The following CYP2B6 variants were observed in gnomAD, a reference collection of about 807,000 sequenced individuals.
The protein encoded by CYP2B6 is cytochrome P450 2B6.
A neutral mutation model predicts 43.4 loss-of-function variants in CYP2B6; 35 were observed. That is an observed-to-expected ratio of 0.81 (90% CI 0.62 to 1.07). CYP2B6 has a LOEUF of 1.07. Ranked by LOEUF, CYP2B6 falls within the 50% of genes least tolerant of loss-of-function variation. The probability of loss-of-function intolerance (pLI) is 0.00; values close to 1 mark genes in which losing one functional copy is unlikely to be tolerated. For missense variants in CYP2B6, 624 were observed against 632.8 expected, an observed-to-expected ratio of 0.99 and a Z score of 0.15; for synonymous variants, 239 against 239.2, an observed-to-expected ratio of 1.00 and a Z score of 0.01.
intron 8 of CYP2B6, among the ~76,000 whole-genome samples, chr19:41,015,523 G>C (rs746043395): frequency 6.6e-6 from 1 of 152,064 alleles, no homozygotes; most frequent in Admixed American, 6.6e-5. Context: ...GAAGGGAAAG[G>C]CTCCCTTTGT....
chr19:41,012,858 G>A (rs1207611585), intron 8 of CYP2B6, 43 bp downstream of exon 8: 2 of 1,610,180 alleles, frequency 1.2e-6, no homozygotes, highest in South Asian at 1.1e-5. Context: ...CCAGAGGGCA[G>A]GTACTATCCC....
At chr19:41,000,997 T>G (rs1969075825) in intron 1 of CYP2B6, among the ~76,000 whole-genome samples, 1 of 151,866 alleles carries the variant, frequency 6.6e-6, no homozygotes, top group Admixed American at 6.6e-5. Flanking sequence ...TGAGATTGCA[T>G]CATTGCACTC....
Position 41,008,885 on chromosome 19 carries a change from G to GAA in CYP2B6, c.646-331_646-330dup, listed in dbSNP as rs540107939. Reference sequence around the variant, plus strand: ...ATGAGGAGAGGTGGGAAGAGGGAGAGAAAAGTATGAGAAAGACAAATAAAC... The same window carrying GAA: ...ATGAGGAGAGGTGGGAAGAGGGAGAGAAAAAAGTATGAGAAAGACAAATAAAC... On this transcript the variant is annotated intron_variant, in intron 4 of 8. Transcript: ENST00000324071. 9.2e-5 allele frequency among the ~76,000 whole-genome samples: 14 copies of GAA among 151,962 alleles called. No individual in the cohort carries two copies. In the East Asian group the frequency reaches 2.5e-3, roughly 27 times the overall value.
At chr19:41,014,571 C>T (rs1969332655) in intron 8 of CYP2B6, among the ~76,000 whole-genome samples, 1 of 152,118 alleles carries the variant, frequency 6.6e-6, no homozygotes, top group Non-Finnish European at 1.5e-5. Flanking sequence ...TCTGAAAGTC[C>T]TGGGATTACA....
chr19:41,000,091 T>C (rs1037312083), intron 1 of CYP2B6, among the ~76,000 whole-genome samples: 2 of 152,108 alleles, frequency 1.3e-5, no homozygotes, highest in Non-Finnish European at 2.9e-5. Context: ...AGGATGTGGG[T>C]GGGTCATCTT....
intron 4 of CYP2B6, among the ~76,000 whole-genome samples, chr19:41,008,975 G>A (rs181108567): frequency 0.047 from 7,067 of 150,270 alleles, 561 homozygotes; most frequent in African/African-American, 0.16. Flanking sequence ...AGATAGAAAG[G>A]AGAGAGGCAG....
At chr19:41,016,376 G>A (rs1174983775) in intron 8 of CYP2B6, among the ~76,000 whole-genome samples, 1 of 126,710 alleles carries the variant, frequency 7.9e-6, no homozygotes, top group Non-Finnish European at 1.6e-5. Context: ...CTCCAGTCTG[G>A]GTGACAAAGA....
Position 41,010,117 on chromosome 19 carries a change from A to T in CYP2B6, c.946A>T (p.Lys316Ter), listed in dbSNP as rs1296272368. ...CCGCTACGGCTTCCTGCTCATGCTC[A>T]AATACCCTCATGTTGCAGGTGGGCC... ...TLRYGFLLML[K>*]YPHVAERVYR... Residue 316 changes from lysine (K) to a stop codon, truncating the protein, a stop_gained, in exon 6 of 9, where the codon AAA becomes TAA. Transcript: ENST00000324071. LOFTEE classifies it high-confidence loss of function. 4.3e-6 allele frequency: 7 copies of T among 1,613,542 alleles called. No individual in the cohort carries two copies. Among genetic ancestry groups the T allele is most frequent in the Non-Finnish European group, 5.9e-6 (7 of 1,180,000 alleles).
chr19:40,996,510 A>T (rs1000910952), intron 1 of CYP2B6, among the ~76,000 whole-genome samples: 8 of 152,204 alleles, frequency 5.3e-5, no homozygotes, highest in African/African-American at 1.9e-4. Flanking sequence ...TCCAGCTTCA[A>T]GTGTTCAAAT....
In CYP2B6 at chr19:41,016,961, G is replaced by T; in HGVS notation, c.*134G>T. ...CAAGCCAGCTTCCTTCCCCTCCATG[G>T]CACCAGTTGTCTGAGGTCACATTGC... On this transcript the variant is annotated 3_prime_UTR_variant, in exon 9 of 9. Transcript: ENST00000324071. 1 of 869,910 alleles carries T rather than the reference G, an allele frequency of 1.1e-6. No homozygotes were observed. The highest frequency in any genetic ancestry group is 1.7e-5 in the South Asian group (1 of 58,232). 53.9% of individuals were successfully genotyped at this position (869,910 alleles called of 1,614,324 possible).
rs1182947117 is a variant in CYP2B6 at position 41,001,098 on chromosome 19, C to A, written c.172-2903C>A. Among the ~76,000 whole-genome samples the A allele has an allele frequency of 2.6e-5, 4 of 152,004 alleles. No homozygotes were observed. In the South Asian group the frequency reaches 8.3e-4, roughly 32 times the overall value. ...AAAATTAGTGATAGTGATGCTCAGC[C>A]TGGGGAAAGCATTTGTCCAGTGGCA... On this transcript the variant is annotated intron_variant, in intron 1 of 8. Coordinates refer to ENST00000324071, the MANE Select transcript of CYP2B6 (RefSeq NM_000767.5).
intron 3 of CYP2B6, among the ~76,000 whole-genome samples, chr19:41,005,175 G>A (rs1599846641): frequency 6.6e-6 from 1 of 152,130 alleles, no homozygotes; most frequent in Admixed American, 6.5e-5. Context: ...AGGCCAGGTG[G>A]GGTGTTCTGC....
Position 41,009,261 on chromosome 19 carries a change from G to T in CYP2B6, c.688G>T (p.Ala230Ser), listed in dbSNP as rs747067622. Reference sequence around the variant, plus strand: ...TGGCTTCTTGAAATACTTTCCTGGGGCACACAGGCAAGTTTACAAAAACCT... The same window carrying T: ...TGGCTTCTTGAAATACTTTCCTGGGTCACACAGGCAAGTTTACAAAAACCT... Reference protein sequence around the residue: ...FSGFLKYFPGAHRQVYKNLQE... With the variant: ...FSGFLKYFPGSHRQVYKNLQE... The change falls in exon 5 of 9, where the codon GCA becomes TCA. Residue 230 changes from alanine (A) to serine (S), a missense_variant. Physicochemically the swap from Ala to Ser is moderately conservative, Grantham distance 99. Coordinates refer to ENST00000324071, the MANE Select transcript of CYP2B6 (RefSeq NM_000767.5). 4 of 1,612,718 alleles carry T rather than the reference G, an allele frequency of 2.5e-6. No homozygotes were observed. In the African/African-American group the frequency reaches 4.0e-5, roughly 16 times the overall value.
In CYP2B6 at chr19:41,004,324, G is replaced by A. The variant is rs1969142860; in HGVS notation, c.362G>A (p.Trp121Ter). 1 of 1,613,998 alleles carries A rather than the reference G, an allele frequency of 6.2e-7. No homozygotes were observed. Among genetic ancestry groups the A allele is most frequent in the Non-Finnish European group, 8.5e-7 (1 of 1,180,014 alleles). The change falls in exon 3 of 9, where the codon TGG becomes TAG. Residue 121 changes from tryptophan (W) to a stop codon, truncating the protein, a stop_gained. Coordinates refer to ENST00000324071, the MANE Select transcript of CYP2B6 (RefSeq NM_000767.5). LOFTEE classifies it high-confidence loss of function. ...GTGATCTTTGCCAATGGAAACCGCTGGAAGGTGCTTCGGCGATTCTCTGTG... is the reference window on the plus strand; with the variant it reads ...GTGATCTTTGCCAATGGAAACCGCTAGAAGGTGCTTCGGCGATTCTCTGTG... ...YGVIFANGNR[W>*]KVLRRFSVTT... is the part of the protein sequence containing the mutation.
At chr19:41,007,184 G>A in intron 4 of CYP2B6, 119 bp downstream of exon 4, 1 of 1,001,076 alleles carries the variant, frequency 1.0e-6, no homozygotes, top group Non-Finnish European at 1.6e-6. Flanking sequence ...AAGAAACGCA[G>A]ACATGTGAAG....
chr19:40,999,322 C>T (rs1238738548), intron 1 of CYP2B6, among the ~76,000 whole-genome samples: 1 of 151,796 alleles, frequency 6.6e-6, no homozygotes, highest in East Asian at 1.9e-4. Context: ...TGGATATTAG[C>T]CCTTTGTCAG....
At chr19:41,008,283 C>T (rs1969225917) in intron 4 of CYP2B6, among the ~76,000 whole-genome samples, 1 of 150,960 alleles carries the variant, frequency 6.6e-6, no homozygotes, top group Non-Finnish European at 1.5e-5. Context: ...GTGATCTCAA[C>T]TCCCTGCCAC....
rs774133160 is a variant in CYP2B6 at position 41,010,116 on chromosome 19, C to T, written c.945C>T (p.Leu315=). 6.2e-7 allele frequency: 1 copy of T among 1,613,546 alleles called. No homozygotes were observed. Among genetic ancestry groups the T allele is most frequent in the East Asian group, 2.2e-5 (1 of 44,866 alleles). ...TCCGCTACGGCTTCCTGCTCATGCT[C>T]AAATACCCTCATGTTGCAGGTGGGC... is the stretch of plus-strand genomic sequence containing the variant. ...TTLRYGFLLM[L]KYPHVAERVY... is the part of the protein sequence containing the mutation. The change falls in exon 6 of 9, where the codon CTC becomes CTT. Residue 315 remains leucine, a synonymous_variant. Transcript: ENST00000324071.
chr19:40,993,802 T>C (rs1968958926), intron 1 of CYP2B6, among the ~76,000 whole-genome samples: 2 of 152,140 alleles, frequency 1.3e-5, no homozygotes, highest in African/African-American at 4.8e-5. Flanking sequence ...GCATTTTAAA[T>C]TAAGTTATCT....
Sources: gnomAD v4.1 joint callset for allele counts (sites outside exome capture counted in the v4.1 genomes callset) on GRCh38, gnomAD v4.1.1 for gene constraint, MANE v1.5 for transcripts, NCBI Gene and HGNC (gene_info 2026-07-23, HGNC 2026-07-21) for gene names.